Variants in THOP1 observed in about 807,000 individuals in gnomAD.
The protein encoded by THOP1 is thimet oligopeptidase 1.
In THOP1, 49 loss-of-function variants were observed where a neutral mutation model predicts 71.8. The ratio of observed to expected loss-of-function variants is 0.68; its 90% CI spans 0.54 to 0.87. The LOEUF (loss-of-function observed/expected upper bound fraction) is 0.87. Among genes scored for constraint, THOP1 ranks in the 40% least tolerant of loss-of-function variants. THOP1 has a pLI of 0.00. For synonymous variants in THOP1, 426 were observed against 421.5 expected (o/e 1.01, Z -0.13); for missense variants, 843 against 975.6 (o/e 0.86, Z 1.81).
rs1599515095 is a variant in THOP1 at position 2,785,570 on chromosome 19, G to T, written c.-93G>T. The T allele has an allele frequency of 1.4e-6, 2 of 1,414,072 alleles. No individual in the cohort carries two copies. The highest frequency in any genetic ancestry group is 1.4e-5 in the South Asian group (1 of 69,838). The allele number at this position is 1,414,072 out of a possible 1,614,324, so 87.6% of individuals were successfully genotyped here. A position where few individuals can be genotyped will look rare whatever the true frequency, so the allele number is the denominator to read the frequency against. ...GGCGGCCGTGGCGGCGGTGGCGGCG[G>T]TTGGGCCGAGGCAGGCGGCCTCAGT... is the stretch of plus-strand genomic sequence containing the variant. On this transcript the variant is annotated 5_prime_UTR_variant, in exon 1 of 13. Coordinates refer to ENST00000307741, the MANE Select transcript of THOP1 (RefSeq NM_003249.5).
chr19:2,808,447 G>A lies in THOP1; in HGVS notation c.1455+3G>A. On this transcript the variant is annotated splice_donor_region_variant and intron_variant, in intron 9 of 12. Transcript: ENST00000307741. Reference sequence around the variant, plus strand: ...TGATGCACCAGCTCTGCTCCCAGGTGGGTGCGGGCCCGGGCAGGGGCAGGG... The same window carrying A: ...TGATGCACCAGCTCTGCTCCCAGGTAGGTGCGGGCCCGGGCAGGGGCAGGG... 6.2e-7 allele frequency: 1 copy of A among 1,600,116 alleles called. No individual in the cohort carries two copies. The highest frequency in any genetic ancestry group is 8.5e-7 in the Non-Finnish European group (1 of 1,171,154).
intron 6 of THOP1, chr19:2,806,651 C>G: frequency 1.9e-6 from 1 of 514,152 alleles, no homozygotes. Context: ...CTCGGAGGCT[C>G]CTCGGACAGC....
chr19:2,804,847 G>C lies in THOP1; in HGVS notation c.590-169G>C, dbSNP rs543800542. ...GCCAGGGTATTTCTTGATGGGGTTA[G>C]ATGGGGGATGTAAGAATTGCAGCGG... is the stretch of plus-strand genomic sequence containing the variant. On this transcript the variant is annotated intron_variant, in intron 5 of 12. Transcript: ENST00000307741. This position sits in a 1 kb window ranked among gnomAD's most constrained non-coding sequence, Gnocchi z 4.7. Among the ~76,000 whole-genome samples, 3 of 152,226 alleles carry C rather than the reference G, an allele frequency of 2.0e-5. 1 individual carries two copies. The South Asian group carries it at 6.2e-4, about 32-fold the overall frequency.
chr19:2,795,377 C>T (rs777997659), intron 3 of THOP1, among the ~76,000 whole-genome samples: 16 of 152,370 alleles, frequency 1.1e-4, no homozygotes, highest in Non-Finnish European at 2.1e-4. Flanking sequence ...CCTGCTCCCC[C>T]GGATGCTCCT....
intron 8 of THOP1, 111 bp from the exon 9 acceptor site, chr19:2,808,132 A>T: frequency 7.9e-7 from 1 of 1,258,328 alleles, no homozygotes; most frequent in Non-Finnish European, 1.1e-6. Flanking sequence ...TTAGAACCTC[A>T]GAGGTGCCCG....
At position 2,785,634 on chromosome 19, in the gene THOP1, A is replaced by T; in HGVS notation, c.-29A>T. 6.7e-7 allele frequency: 1 copy of T among 1,502,560 alleles called. No individual in the cohort carries two copies. Among genetic ancestry groups the T allele is most frequent in the Non-Finnish European group, 8.9e-7 (1 of 1,126,172 alleles). 93.1% of individuals were successfully genotyped at this position (1,502,560 alleles called of 1,614,324 possible). On this transcript the variant is annotated 5_prime_UTR_variant, in exon 1 of 13. Transcript: ENST00000307741. ...GGACGCGTAGCAGGTGGAAGGAGGG[A>T]GGGAGCCGCAGGCGCAGACCCACCC...
intron 2 of THOP1, among the ~76,000 whole-genome samples, chr19:2,791,396 T>C (rs1014170627): frequency 1.7e-5 from 2 of 117,922 alleles, no homozygotes; most frequent in African/African-American, 9.5e-5. Context: ...AGCCCAGGGC[T>C]TCTCTCGTGT....
chr19:2,792,276 G>A (rs932669111), intron 2 of THOP1, among the ~76,000 whole-genome samples: 1 of 152,206 alleles, frequency 6.6e-6, no homozygotes, highest in Admixed American at 6.5e-5. Context: ...CCAGGCTGCT[G>A]TAGTGCAGTA....
At chr19:2,802,556 C>CA (rs1916180121) in intron 5 of THOP1, among the ~76,000 whole-genome samples, 1 of 143,284 alleles carries the variant, frequency 7.0e-6, no homozygotes, top group Admixed American at 6.7e-5. Flanking sequence ...CCGACACCAA[C>CA]ACCTTCCGAC....
chr19:2,786,022 G>A (rs1406470041), intron 1 of THOP1, among the ~76,000 whole-genome samples: 1 of 152,160 alleles, frequency 6.6e-6, no homozygotes, highest in Non-Finnish European at 1.5e-5. Flanking sequence ...AGAGAGGATC[G>A]AAGATAGGGA....
At chr19:2,795,430 A>G (rs913447415) in intron 3 of THOP1, among the ~76,000 whole-genome samples, 1 of 152,224 alleles carries the variant, frequency 6.6e-6, no homozygotes, top group Non-Finnish European at 1.5e-5. Context: ...TCACATGATC[A>G]GGAGAGACCC....
intron 5 of THOP1, among the ~76,000 whole-genome samples, chr19:2,800,948 C>G (rs1916131219): frequency 1.3e-5 from 2 of 152,226 alleles, no homozygotes; most frequent in South Asian, 4.1e-4. Flanking sequence ...GCCTGATGTT[C>G]TAGAAGCCAA....
At position 2,785,574 on chromosome 19, in the gene THOP1, G is replaced by C; in HGVS notation, c.-89G>C. On this transcript the variant is annotated 5_prime_UTR_variant, in exon 1 of 13. Transcript: ENST00000307741. ...GCCGTGGCGGCGGTGGCGGCGGTTG[G>C]GCCGAGGCAGGCGGCCTCAGTGGCC... 1 of 1,430,212 alleles carries C rather than the reference G, an allele frequency of 7.0e-7. No individual in the cohort carries two copies. The highest frequency in any genetic ancestry group is 9.3e-7 in the Non-Finnish European group (1 of 1,080,758). The allele number at this position is 1,430,212 out of a possible 1,614,324, so 88.6% of individuals were successfully genotyped here.
rs942015935 is a variant in THOP1, at chr19:2,804,330, T to C, written c.590-686T>C. 7.2e-5 allele frequency among the ~76,000 whole-genome samples: 11 copies of C among 151,914 alleles called. No homozygotes were observed. The highest frequency in any genetic ancestry group is 2.4e-4 in the African/African-American group (10 of 41,336). On this transcript the variant is annotated intron_variant, in intron 5 of 12. Transcript: ENST00000307741. This position sits in a 1 kb window ranked among gnomAD's most constrained non-coding sequence, Gnocchi z 4.7. ...TGTGTCCTGCCAGGGGTTTTGTGGG[T>C]GGAGAAGGGACAGCAGGGCTCCAGT... is the stretch of plus-strand genomic sequence containing the variant.
intron 9 of THOP1, 95 bp from the exon 10 acceptor site, chr19:2,810,209 G>A (rs746017747): frequency 8.4e-5 from 121 of 1,447,388 alleles, no homozygotes; most frequent in Non-Finnish European, 1.1e-4. Context: ...CTGTGCACTC[G>A]CCCTGTTTGC....
intron 11 of THOP1, among the ~76,000 whole-genome samples, 153 bp from the exon 12 acceptor site, chr19:2,811,445 T>C (rs1161542806): frequency 6.6e-6 from 1 of 152,212 alleles, no homozygotes; most frequent in African/African-American, 2.4e-5. Flanking sequence ...ACTCTGGTTC[T>C]AGAAGTATCC....
Position 2,796,066 on chromosome 19 carries a change from A to T in THOP1, c.379-15A>T. The T allele has an allele frequency of 1.9e-6, 3 of 1,607,854 alleles. No individual in the cohort carries two copies. Among genetic ancestry groups the T allele is most frequent in the Non-Finnish European group, 2.6e-6 (3 of 1,174,818 alleles). On this transcript the variant is annotated splice_polypyrimidine_tract_variant and intron_variant, in intron 3 of 12. Coordinates refer to ENST00000307741, the MANE Select transcript of THOP1 (RefSeq NM_003249.5). ...ACTGGCCCACGTCCTACATGCTTTG[A>T]TGTTTTTATTCCAGGAGAAAGTTCA... is the stretch of plus-strand genomic sequence containing the variant.
chr19:2,800,752 G>A (rs902144869), intron 5 of THOP1, among the ~76,000 whole-genome samples: 3 of 152,124 alleles, frequency 2.0e-5, no homozygotes, highest in African/African-American at 7.2e-5. Context: ...GAGAGACGAC[G>A]GGCTACAATC....
Position 2,810,473 on chromosome 19 carries a change from C to T in THOP1, c.1625C>T (p.Ser542Phe). The T allele has an allele frequency of 6.4e-7, 1 of 1,563,146 alleles. No homozygotes were observed. The highest frequency in any genetic ancestry group is 8.7e-7 in the Non-Finnish European group (1 of 1,154,772). The change falls in exon 10 of 13, where the codon TCC (serine) becomes TTC (phenylalanine). Residue 542 changes from serine (S) to phenylalanine (F), a missense_variant. Physicochemically the swap from Ser to Phe is radical, Grantham distance 155 (BLOSUM62 -2). Transcript: ENST00000307741. Reference sequence around the variant, plus strand: ...GAGCTCCTGGAGAAGCTCATTGAGTCCCGGCAGGCCAACACAGGTGCACCC... The same window carrying T: ...GAGCTCCTGGAGAAGCTCATTGAGTTCCGGCAGGCCAACACAGGTGCACCC... The part of the protein sequence containing the change: ...PRELLEKLIE[S>F]RQANTGLFNL...
Sources: allele counts gnomAD v4.1 joint callset (sites outside exome capture counted in the v4.1 genomes callset), GRCh38; gene constraint gnomAD v4.1.1; non-coding constraint Gnocchi (gnomAD v3.1); transcripts MANE v1.5; gene names NCBI Gene and HGNC (gene_info 2026-07-23, HGNC 2026-07-21).